GRID2: variants seen among roughly 807,000 people sequenced by gnomAD.
GRID2 encodes the protein glutamate ionotropic receptor delta type subunit 2.
In GRID2, 33 loss-of-function variants were observed where a neutral mutation model predicts 114.8. That is an observed-to-expected ratio of 0.29 (90% CI 0.22 to 0.38). The LOEUF is 0.38. GRID2 is among the 10% of genes least tolerant of loss of function. The probability of loss-of-function intolerance (pLI) is 1.00; values close to 1 mark genes in which losing one functional copy is unlikely to be tolerated. For synonymous variants in GRID2, 505 were observed against 449.9 expected (o/e 1.12, Z -1.55); for missense variants, 1,184 against 1,257.7 (o/e 0.94, Z 0.89).
At chr4:93,042,694 T>G (rs1725703113) in intron 2 of GRID2, among the ~76,000 whole-genome samples, 1 of 144,386 alleles carries the variant, frequency 6.9e-6, no homozygotes, top group Admixed American at 7.0e-5. Context: ...TATATATGCA[T>G]ATATATATGC....
intron 2 of GRID2, among the ~76,000 whole-genome samples, chr4:92,629,710 T>G (rs1730695984): frequency 6.6e-6 from 1 of 151,430 alleles, no homozygotes. Flanking sequence ...ATTAGATTTT[T>G]AAAATTTTAA....
chr4:92,485,700 TAAAG>T (rs964557046), intron 1 of GRID2, among the ~76,000 whole-genome samples: 8 of 151,054 alleles, frequency 5.3e-5, no homozygotes, highest in African/African-American at 4.9e-5. Flanking sequence ...AAAAAATAAA[TAAAG>T]AAAAATGAGA....
intron 13 of GRID2, among the ~76,000 whole-genome samples, chr4:93,534,814 C>A (rs1731861878): frequency 6.7e-6 from 1 of 150,330 alleles, no homozygotes. Context: ...CACAACCAAG[C>A]TAACTAACAC....
chr4:93,533,416 C>A (rs576004408), intron 13 of GRID2, among the ~76,000 whole-genome samples: 1 of 143,710 alleles, frequency 7.0e-6, no homozygotes, highest in South Asian at 2.4e-4. Context: ...AAGTCTCACT[C>A]AGTTACCCAT....
chr4:93,723,898 C>T (rs1338420786), intron 14 of GRID2, among the ~76,000 whole-genome samples: 1 of 152,120 alleles, frequency 6.6e-6, no homozygotes, highest in Admixed American at 6.5e-5. Context: ...AGGCAGACTA[C>T]ATTCTTCACA....
intron 4 of GRID2, among the ~76,000 whole-genome samples, chr4:93,168,052 G>A (rs938914332): frequency 2.2e-4 from 34 of 152,014 alleles, no homozygotes; most frequent in Non-Finnish European, 4.0e-4. Flanking sequence ...AAAACTTAGC[G>A]AGGTGTAGTG....
chr4:93,164,162 A>T (rs372842643), intron 4 of GRID2, among the ~76,000 whole-genome samples: 7 of 151,058 alleles, frequency 4.6e-5, no homozygotes, highest in African/African-American at 1.7e-4. Flanking sequence ...CGGGGGGGGA[A>T]AAAAAAGGTA....
chr4:92,951,255 G>GT (rs955072091), intron 2 of GRID2, among the ~76,000 whole-genome samples: 3 of 151,688 alleles, frequency 2.0e-5, no homozygotes, highest in Non-Finnish European at 4.4e-5. Flanking sequence ...TAAATATCTT[G>GT]TTTTTTGAAT....
intron 10 of GRID2, among the ~76,000 whole-genome samples, chr4:93,434,362 A>G (rs981155387): frequency 1.5e-4 from 23 of 152,158 alleles, no homozygotes; most frequent in African/African-American, 5.3e-4. Context: ...TGTCGAGTTA[A>G]TGGTTGCAGC....
chr4:92,772,756 A>G (rs1050773824), intron 2 of GRID2, among the ~76,000 whole-genome samples: 1 of 152,178 alleles, frequency 6.6e-6, no homozygotes, highest in Admixed American at 6.6e-5. Context: ...TGCCTGGAAA[A>G]TGAAGGTTGA....
chr4:92,951,588 C>CAAAGTGTGTGACT (rs2149135205), intron 2 of GRID2, among the ~76,000 whole-genome samples: 1 of 152,086 alleles, frequency 6.6e-6, no homozygotes, highest in South Asian at 2.1e-4. Flanking sequence ...CTTAGCCTCC[C>CAAAGTGTGTGACT]AAAGTGTGTG....
intron 14 of GRID2, among the ~76,000 whole-genome samples, chr4:93,735,221 G>A (rs530198869): frequency 2.6e-5 from 4 of 152,052 alleles, no homozygotes; most frequent in Admixed American, 2.0e-4. Flanking sequence ...TCAGTAAAAA[G>A]TCATTATTTC....
rs970047919 is a variant in GRID2, at chr4:93,300,700, C to T, written c.1245+62210C>T. Among the ~76,000 whole-genome samples the T allele has an allele frequency of 6.6e-5, 10 of 152,134 alleles. No individual in the cohort carries two copies. The South Asian group carries it at 1.2e-3, about 19-fold the overall frequency. On this transcript the variant is annotated intron_variant, in intron 8 of 15. Coordinates refer to ENST00000282020, the MANE Select transcript of GRID2 (RefSeq NM_001510.4). ...GCCGCAGACAAAACCTCTCAGACAC[C>T]GAGTTGTAGACGGTAGGGCTTTATT... is the stretch of plus-strand genomic sequence containing the variant.
chr4:92,839,600 A>T (rs1742735284), intron 2 of GRID2, among the ~76,000 whole-genome samples: 3 of 151,884 alleles, frequency 2.0e-5, no homozygotes, highest in Non-Finnish European at 4.4e-5. Context: ...TCAAGAGCAT[A>T]TTGTTTAATT....
chr4:93,003,062 A>C (rs1319129188), intron 2 of GRID2, among the ~76,000 whole-genome samples: 2 of 151,882 alleles, frequency 1.3e-5, no homozygotes. Flanking sequence ...AATCAAAGAC[A>C]ATCTCCACAT....
intron 2 of GRID2, among the ~76,000 whole-genome samples, chr4:92,668,851 A>G (rs533999309): frequency 2.6e-5 from 4 of 152,016 alleles, no homozygotes; most frequent in Non-Finnish European, 5.9e-5. Context: ...TTTATAATTA[A>G]CATATTTACT....
intron 13 of GRID2, among the ~76,000 whole-genome samples, chr4:93,539,003 G>A (rs879917224): frequency 2.0e-5 from 3 of 151,784 alleles, no homozygotes; most frequent in Non-Finnish European, 4.4e-5. Flanking sequence ...ATTAATATTA[G>A]GGGAAAATGG....
At chr4:93,488,974 G>T (rs1337411575) in intron 11 of GRID2, among the ~76,000 whole-genome samples, 1 of 151,842 alleles carries the variant, frequency 6.6e-6, no homozygotes, top group East Asian at 1.9e-4. Context: ...AGAATTTCAG[G>T]ACATGAATTT....
chr4:93,458,446 G>T (rs996636822), intron 11 of GRID2, among the ~76,000 whole-genome samples: 1 of 151,980 alleles, frequency 6.6e-6, no homozygotes, highest in Non-Finnish European at 1.5e-5. Context: ...CTCCATTTGG[G>T]CCTCTCCATG....
Sources: gnomAD v4.1 joint callset for allele counts (sites outside exome capture counted in the v4.1 genomes callset) on GRCh38, gnomAD v4.1.1 for gene constraint, MANE v1.5 for transcripts, NCBI Gene and HGNC (gene_info 2026-07-23, HGNC 2026-07-21) for gene names.